SLC22A9: variants seen among roughly 807,000 people sequenced by gnomAD.
The protein encoded by SLC22A9 is organic anion transporter 7.
Under a neutral mutation model 50.1 loss-of-function variants are expected in SLC22A9, and 64 were observed. That is an observed-to-expected ratio of 1.28 (90% CI 1.04 to 1.57). SLC22A9 has a LOEUF of 1.57. Ranked by LOEUF, SLC22A9 falls within the 40% of genes most tolerant of loss-of-function variation. The pLI, the probability that SLC22A9 is intolerant of heterozygous loss-of-function variation, is 0.00. For missense variants in SLC22A9, 757 were observed against 676.1 expected, an observed-to-expected ratio of 1.12 and a Z score of -1.33; for synonymous variants, 261 against 242.5, an observed-to-expected ratio of 1.08 and a Z score of -0.71.
chr11:63,397,597 G>T (rs2014881470), intron 6 of SLC22A9, among the ~76,000 whole-genome samples: 1 of 152,064 alleles, frequency 6.6e-6, no homozygotes. Context: ...AGGCACAAAA[G>T]AAAGTCTTTT....
intron 6 of SLC22A9, among the ~76,000 whole-genome samples, chr11:63,402,274 G>T (rs1306981730): frequency 6.6e-6 from 1 of 151,838 alleles, no homozygotes; most frequent in Non-Finnish European, 1.5e-5. Context: ...ATCCATCTTG[G>T]GTTGAATTTT....
At chr11:63,372,062 A>C (rs903706472) in intron 2 of SLC22A9, among the ~76,000 whole-genome samples, 17 of 152,188 alleles carry the variant, frequency 1.1e-4, no homozygotes, top group Admixed American at 9.2e-4. Context: ...TTAGTCACCC[A>C]GTCCTCTGTG....
At chr11:63,384,303 C>T (rs145849063) in intron 6 of SLC22A9, among the ~76,000 whole-genome samples, 1 of 152,108 alleles carries the variant, frequency 6.6e-6, no homozygotes, top group Non-Finnish European at 1.5e-5. Context: ...TGCACCCAAC[C>T]CCCAACAGGT....
At chr11:63,377,580 C>T (rs1355366019) in intron 5 of SLC22A9, among the ~76,000 whole-genome samples, 2 of 152,080 alleles carry the variant, frequency 1.3e-5, no homozygotes, top group Admixed American at 6.6e-5. Flanking sequence ...ACTTATAGCA[C>T]TAAATCCCCA....
chr11:63,393,966 T>C (rs1276111338), intron 6 of SLC22A9, among the ~76,000 whole-genome samples: 1 of 152,204 alleles, frequency 6.6e-6, no homozygotes, highest in Non-Finnish European at 1.5e-5. Context: ...TTTAGTCCCA[T>C]ATTTCTTGGG....
chr11:63,408,743 A>G lies in SLC22A9; in HGVS notation c.1465A>G (p.Ile489Val). ...AGGAGCCCTGGCTCCCCTCATGATG[A>G]TCCTAAGTGTGTATTCTCCACCCCT... ...IAGALAPLMMILSVYSPPLPW... is the reference protein window; with the variant it reads ...IAGALAPLMMVLSVYSPPLPW... Residue 489 changes from isoleucine to valine, a missense_variant, in exon 9 of 10, where the codon ATC becomes GTC. Physicochemically the swap from Ile to Val is conservative, Grantham distance 29 (BLOSUM62 3). Coordinates refer to ENST00000279178, the MANE Select transcript of SLC22A9 (RefSeq NM_080866.3). The G allele has an allele frequency of 1.2e-6, 2 of 1,613,930 alleles. No homozygotes were observed. Among genetic ancestry groups the G allele is most frequent in the Non-Finnish European group, 1.7e-6 (2 of 1,179,926 alleles).
At chr11:63,383,604 G>A (rs2014605681) in intron 6 of SLC22A9, among the ~76,000 whole-genome samples, 1 of 152,032 alleles carries the variant, frequency 6.6e-6, no homozygotes. Flanking sequence ...ATACACCAAT[G>A]CAAAGCTTCA....
At chr11:63,398,870 G>A (rs141573794) in intron 6 of SLC22A9, among the ~76,000 whole-genome samples, 11 of 152,320 alleles carry the variant, frequency 7.2e-5, no homozygotes, top group African/African-American at 2.4e-4. Flanking sequence ...CTGTGGGAAA[G>A]ATGACCTTAG....
rs751295719 is a variant in SLC22A9 at position 63,408,148 on chromosome 11, G to C, written c.1325G>C (p.Gly442Ala). The C allele has an allele frequency of 2.1e-5, 34 of 1,613,690 alleles. No individual in the cohort carries two copies. The highest frequency in any genetic ancestry group is 2.9e-5 in the Non-Finnish European group (34 of 1,179,782). The stretch of plus-strand genomic sequence containing the variant: ...CTGCGTGAGGTTTTGGCAACACTGG[G>C]CTTAGGAGCGTCTGCTCTTGCCAAT... Reference protein sequence around the residue: ...QTLREVLATLGLGASALANTL... With the variant: ...QTLREVLATLALGASALANTL... Residue 442 changes from glycine to alanine, a missense_variant, in exon 8 of 10, where the codon GGC becomes GCC. By Grantham distance (60) the Gly-to-Ala change is moderately conservative. Coordinates refer to ENST00000279178, the MANE Select transcript of SLC22A9 (RefSeq NM_080866.3).
At chr11:63,393,621 G>A (rs2014802416) in intron 6 of SLC22A9, among the ~76,000 whole-genome samples, 1 of 152,090 alleles carries the variant, frequency 6.6e-6, no homozygotes, top group Non-Finnish European at 1.5e-5. Context: ...TTTGCTGAGA[G>A]TTTTAATTAT....
At chr11:63,394,335 C>G (rs996597807) in intron 6 of SLC22A9, among the ~76,000 whole-genome samples, 2 of 151,762 alleles carry the variant, frequency 1.3e-5, no homozygotes, top group Non-Finnish European at 2.9e-5. Flanking sequence ...GAGATTTAGG[C>G]TTTAAAGAGG....
chr11:63,408,036 C>CT, intron 7 of SLC22A9, 76 bp from the exon 8 acceptor site: 3 of 1,218,956 alleles, frequency 2.5e-6, no homozygotes, highest in Non-Finnish European at 2.4e-6. Flanking sequence ...CAATACAGTC[C>CT]TTTTCACTTC....
chr11:63,402,729 T>A (rs2014971904), intron 6 of SLC22A9, among the ~76,000 whole-genome samples: 1 of 152,060 alleles, frequency 6.6e-6, no homozygotes. Flanking sequence ...TAGTAAATGG[T>A]ACAATCAGAA....
intron 6 of SLC22A9, among the ~76,000 whole-genome samples, chr11:63,400,242 AAAC>A (rs1431174052): frequency 1.3e-5 from 2 of 152,092 alleles, no homozygotes; most frequent in South Asian, 2.1e-4. Flanking sequence ...TGTGAAAAAT[AAAC>A]AACATCAACA....
At chr11:63,376,197 C>T (rs977266521) in intron 5 of SLC22A9, among the ~76,000 whole-genome samples, 1 of 152,116 alleles carries the variant, frequency 6.6e-6, no homozygotes, top group African/African-American at 2.4e-5. Flanking sequence ...TTCAATCATA[C>T]ATTCTTCCAT....
Position 63,373,915 on chromosome 11 carries a change from GA to G in SLC22A9, c.684del (p.Arg228SerfsTer19). The G allele has an allele frequency of 6.2e-7, 1 of 1,613,642 alleles. No homozygotes were observed. Among genetic ancestry groups the G allele is most frequent in the Non-Finnish European group, 8.5e-7 (1 of 1,179,750 alleles). ...IMLIAEWATHRFQAMGITLGM... is the reference protein window; with the variant it reads ...IMLIAEWATHXFQAMGITLGM... ...CCAGTAGCCGAGTGGGCAACACACA[GA>G]TTCCAGGCCATGGGAATTACATTGG... On this transcript the variant is annotated frameshift_variant, in exon 4 of 10. Transcript: ENST00000279178. LOFTEE classifies it high-confidence loss of function.
rs1471304807 is a variant in SLC22A9 at position 63,406,657 on chromosome 11, C to T, written c.1234C>T (p.Leu412Phe). The change falls in exon 7 of 10, where the codon CTT becomes TTT. Residue 412 changes from leucine to phenylalanine, a missense_variant. Physicochemically the swap from Leu to Phe is conservative, Grantham distance 22. Transcript: ENST00000279178. Reference protein sequence around the residue: ...KYMNRRASQMLLMFLLAICLL... With the variant: ...KYMNRRASQMFLMFLLAICLL... Reference sequence around the variant, plus strand: ...CATGAACCGTCGAGCAAGCCAGATGCTTCTCATGTTCCTACTGGCAATCTG... The same window carrying T: ...CATGAACCGTCGAGCAAGCCAGATGTTTCTCATGTTCCTACTGGCAATCTG... 1.9e-6 allele frequency: 3 copies of T among 1,613,776 alleles called. No homozygotes were observed. Among genetic ancestry groups the T allele is most frequent in the Non-Finnish European group, 2.5e-6 (3 of 1,179,824 alleles).
chr11:63,384,022 C>G (rs1204471436), intron 6 of SLC22A9, among the ~76,000 whole-genome samples: 2 of 149,064 alleles, frequency 1.3e-5, no homozygotes, highest in African/African-American at 2.5e-5. Flanking sequence ...GCACTCCAGC[C>G]TGGTGACAGA....
rs1302012983 is a variant in SLC22A9 at position 63,370,217 on chromosome 11, T to C, written c.161T>C (p.Leu54Pro). 1.2e-6 allele frequency: 2 copies of C among 1,613,980 alleles called. No individual in the cohort carries two copies. The highest frequency in any genetic ancestry group is 2.7e-5 in the African/African-American group (2 of 74,926). Residue 54 changes from leucine to proline, a missense_variant, in exon 1 of 10, where the codon CTG (leucine) becomes CCG (proline). By Grantham distance (98) the Leu-to-Pro change is moderately conservative (BLOSUM62 -3). Coordinates refer to ENST00000279178, the MANE Select transcript of SLC22A9 (RefSeq NM_080866.3). The stretch of plus-strand genomic sequence containing the variant: ...GGCCATCGCTGCTGGGTCCACATCC[T>C]GGACAATGACACTGTCTCTGACAAT... ...IPGHRCWVHI[L>P]DNDTVSDNDT... is the part of the protein sequence containing the mutation.
Sources: allele counts gnomAD v4.1 joint callset (sites outside exome capture counted in the v4.1 genomes callset), GRCh38; gene constraint gnomAD v4.1.1; transcripts MANE v1.5; gene names NCBI Gene and HGNC (gene_info 2026-07-23, HGNC 2026-07-21).